STK31: variants seen among roughly 807,000 people sequenced by gnomAD.
STK31 encodes the protein serine/threonine kinase 31.
In STK31, 89 loss-of-function variants were observed where a neutral mutation model predicts 129.7. The ratio of observed to expected loss-of-function variants is 0.69; its 90% CI spans 0.58 to 0.82. STK31 has a LOEUF of 0.82. STK31 is among the 40% of genes least tolerant of loss of function. The pLI is 0.00. For missense variants in STK31, 1,187 were observed against 1,176.4 expected (o/e 1.01, Z -0.13); for synonymous variants, 448 against 395.3 (o/e 1.13, Z -1.58).
chr7:23,757,855 T>C (rs1246962539), intron 10 of STK31, among the ~76,000 whole-genome samples: 1 of 152,214 alleles, frequency 6.6e-6, no homozygotes, highest in Non-Finnish European at 1.5e-5. Flanking sequence ...AAGACCTGGC[T>C]TTCCTAGGCA....
chr7:23,827,305 C>CT (rs1376954340), intron 23 of STK31, among the ~76,000 whole-genome samples: 1 of 152,022 alleles, frequency 6.6e-6, no homozygotes, highest in African/African-American at 2.4e-5. Context: ...TCTTTTTATT[C>CT]TTTTTTCTCT....
At chr7:23,824,155 G>A (rs1793965084) in intron 23 of STK31, among the ~76,000 whole-genome samples, 1 of 152,186 alleles carries the variant, frequency 6.6e-6, no homozygotes, top group Admixed American at 6.5e-5. Flanking sequence ...GTAGCTCGAT[G>A]GGGATGGCAT....
rs534747282 is a variant in STK31, at chr7:23,756,931, G to A, written c.1293+2457G>A. 2.0e-5 allele frequency among the ~76,000 whole-genome samples: 3 copies of A among 152,248 alleles called. No individual in the cohort carries two copies. In the South Asian group the frequency reaches 6.2e-4, roughly 32 times the overall value. Reference sequence around the variant, plus strand: ...GGATTTTCGCATCGATGTTCATCAGGGATATTGGCCTGAAGTTTTCTTTTT... The same window carrying A: ...GGATTTTCGCATCGATGTTCATCAGAGATATTGGCCTGAAGTTTTCTTTTT... On this transcript the variant is annotated intron_variant, in intron 10 of 23. Transcript: ENST00000355870.
intron 10 of STK31, among the ~76,000 whole-genome samples, chr7:23,759,616 T>G (rs1789329075): frequency 6.6e-6 from 1 of 152,206 alleles, no homozygotes; most frequent in Non-Finnish European, 1.5e-5. Flanking sequence ...TGATTGTGGA[T>G]AAGGGGTAGC....
intron 3 of STK31, among the ~76,000 whole-genome samples, chr7:23,714,614 T>C (rs1049581184): frequency 2.0e-5 from 3 of 152,248 alleles, no homozygotes; most frequent in African/African-American, 7.2e-5. Context: ...TTTAATATTG[T>C]CTTTGAAATC....
intron 22 of STK31, among the ~76,000 whole-genome samples, chr7:23,793,994 T>C (rs963137765): frequency 1.3e-5 from 2 of 152,216 alleles, no homozygotes; most frequent in African/African-American, 4.8e-5. Context: ...CATCAACAGA[T>C]GAATGGAAAA....
chr7:23,764,545 A>G (rs1014543897), intron 11 of STK31, among the ~76,000 whole-genome samples: 1 of 152,190 alleles, frequency 6.6e-6, no homozygotes, highest in Non-Finnish European at 1.5e-5. Flanking sequence ...GTGGCATACA[A>G]TACATGTTTG....
intron 22 of STK31, among the ~76,000 whole-genome samples, chr7:23,803,309 A>G (rs185832997): frequency 2.1e-4 from 32 of 152,344 alleles, no homozygotes; most frequent in Admixed American, 8.5e-4. Context: ...AGCATTATCA[A>G]AAGATTTTAT....
At position 23,771,049 on chromosome 7, in the gene STK31, T is replaced by C. The variant is rs750960571; in HGVS notation, c.1758T>C (p.Ser586=). The C allele has an allele frequency of 1.2e-6, 2 of 1,612,818 alleles. No individual in the cohort carries two copies. The highest frequency in any genetic ancestry group is 1.7e-6 in the Non-Finnish European group (2 of 1,179,308). ...ADKEIISNTY[S]QVLQKIHSEE... ...AGGAGATAATTTCAAATACATATAG[T>C]CAAGTACTGCAAAAGATTCATTCAG... The change falls in exon 14 of 24, where the codon AGT becomes AGC. Residue 586 remains serine (S), a synonymous_variant. Coordinates refer to ENST00000355870, the MANE Select transcript of STK31 (RefSeq NM_031414.5).
In STK31 at chr7:23,832,373, ATTG is replaced by A. The variant is rs750081034; in HGVS notation, c.*17_*19del. The stretch of plus-strand genomic sequence containing the variant: ...AGCCAACTTTGATTGTTAAATTATT[ATTG>A]TTGTTGTTGCAGAGGTTCTTTTTAA... On this transcript the variant is annotated 3_prime_UTR_variant, in exon 24 of 24. Coordinates refer to ENST00000355870, the MANE Select transcript of STK31 (RefSeq NM_031414.5). The A allele has an allele frequency of 1.5e-5, 24 of 1,597,624 alleles. No homozygotes were observed. The highest frequency in any genetic ancestry group is 6.7e-5 in the East Asian group (3 of 44,674).
intron 15 of STK31, among the ~76,000 whole-genome samples, chr7:23,773,934 C>A (rs1244673077): frequency 6.6e-6 from 1 of 150,746 alleles, no homozygotes; most frequent in Non-Finnish European, 1.5e-5. Context: ...TCCCTGCCAC[C>A]CCCCACCCCA....
Position 23,786,201 on chromosome 7 carries a change from G to A in STK31, c.2275-307G>A, listed in dbSNP as rs567003575. ...CCTTGAAATCTCAGCTGTGTTATCA[G>A]TACAATCTTCTACTCTTTAATTTCT... On this transcript the variant is annotated intron_variant, in intron 18 of 23. Coordinates refer to ENST00000355870, the MANE Select transcript of STK31 (RefSeq NM_031414.5). 2.0e-5 allele frequency among the ~76,000 whole-genome samples: 3 copies of A among 151,780 alleles called. 1 individual carries two copies. Among genetic ancestry groups the A allele is most frequent in the Admixed American group, 2.0e-4 (3 of 15,222 alleles).
At chr7:23,773,547 G>A (rs1026390954) in intron 15 of STK31, among the ~76,000 whole-genome samples, 8 of 152,040 alleles carry the variant, frequency 5.3e-5, no homozygotes, top group African/African-American at 1.9e-4. Context: ...TAATCCTTTG[G>A]GTATATACCC....
chr7:23,736,980 A>T lies in STK31; in HGVS notation c.919A>T (p.Ile307Phe). The change falls in exon 8 of 24, where the codon ATT becomes TTT. Residue 307 changes from isoleucine (I) to phenylalanine (F), a missense_variant. By Grantham distance (21) the Ile-to-Phe change is conservative. Around this residue, in one of 5 missense-constraint regions of STK31, gnomAD observed 975 missense variants for 934.9 expected, o/e 1.04. Coordinates refer to ENST00000355870, the MANE Select transcript of STK31 (RefSeq NM_031414.5). ...AAAAATTAAGCAGGACCAGAAACTG[A>T]TTGAAGAAAATGAAAAACTTAAAAC... ...LEKIKQDQKL[I>F]EENEKLKTEK... The T allele has an allele frequency of 3.7e-6, 6 of 1,613,988 alleles. No homozygotes were observed. Among genetic ancestry groups the T allele is most frequent in the Non-Finnish European group, 5.1e-6 (6 of 1,179,950 alleles).
At chr7:23,829,109 C>G (rs549520466) in intron 23 of STK31, among the ~76,000 whole-genome samples, 2 of 151,822 alleles carry the variant, frequency 1.3e-5, no homozygotes, top group African/African-American at 4.8e-5. Context: ...CGAGGTTTCA[C>G]TGTGTTGGTC....
chr7:23,781,420 C>T lies in STK31; in HGVS notation c.1967C>T (p.Ser656Leu). 6.2e-7 allele frequency: 1 copy of T among 1,602,218 alleles called. No homozygotes were observed. Residue 656 changes from serine (S) to leucine (L), a missense_variant and splice_region_variant, in exon 16 of 24, where the codon TCA becomes TTA. Around this residue, in one of 5 missense-constraint regions of STK31, gnomAD observed 975 missense variants for 934.9 expected, o/e 1.04. Transcript: ENST00000355870. ...KLVEKSNLEE[S>L]DDPDGSQIEK... Reference sequence around the variant, plus strand: ...AACACTTTTTCTTTCTGATTCAAGTCAGATGATCCTGATGGCTCTCAAATT... The same window carrying T: ...AACACTTTTTCTTTCTGATTCAAGTTAGATGATCCTGATGGCTCTCAAATT...
In STK31 at chr7:23,783,586, A is replaced by G. The variant is rs1317224371; in HGVS notation, c.2071A>G (p.Met691Val). 16 of 1,606,672 alleles carry G rather than the reference A, an allele frequency of 1.0e-5. No individual in the cohort carries two copies. The highest frequency in any genetic ancestry group is 1.3e-5 in the Non-Finnish European group (15 of 1,178,536). ...AACTTTTTTTTTTTAACTTTAGGAG[A>G]TGCTAACTAGTTTGGCACAGAAATG... ...EIYHEREEYE[M>V]LTSLAQKWFP... Residue 691 changes from methionine (M) to valine (V), a missense_variant, in exon 17 of 24, where the codon ATG (methionine) becomes GTG (valine). Transcript: ENST00000355870.
At chr7:23,775,900 C>T (rs980340408) in intron 15 of STK31, among the ~76,000 whole-genome samples, 11 of 152,238 alleles carry the variant, frequency 7.2e-5, no homozygotes, top group Non-Finnish European at 2.9e-5. Context: ...GCATGCTTGT[C>T]CTGGTGACAG....
Position 23,786,543 on chromosome 7 carries a change from G to A in STK31, c.2310G>A (p.Val770=). The A allele has an allele frequency of 6.2e-7, 1 of 1,613,736 alleles. No individual in the cohort carries two copies. The highest frequency in any genetic ancestry group is 8.5e-7 in the Non-Finnish European group (1 of 1,179,806). ...YSVDVDTEAK[V]IERAATYHRA... The stretch of plus-strand genomic sequence containing the variant: ...TGGATGTTGACACAGAAGCCAAGGT[G>A]ATTGAGAGAGCAGCCACCTACCATA... The change falls in exon 19 of 24, where the codon GTG becomes GTA. Residue 770 remains valine (V), a synonymous_variant. Coordinates refer to ENST00000355870, the MANE Select transcript of STK31 (RefSeq NM_031414.5).
Sources: gnomAD v4.1 joint callset for allele counts (sites outside exome capture counted in the v4.1 genomes callset) on GRCh38, gnomAD v4.1.1 for gene constraint, gnomAD v4.1.1 regional missense constraint, MANE v1.5 for transcripts, NCBI Gene and HGNC (gene_info 2026-07-23, HGNC 2026-07-21) for gene names.